TBCE: variants seen among roughly 807,000 people sequenced by gnomAD.
TBCE encodes the protein tubulin-specific chaperone E.
A neutral mutation model predicts 77.0 loss-of-function variants in TBCE; 53 were observed. That is an observed-to-expected ratio of 0.69 (90% confidence interval 0.55 to 0.87). The LOEUF (loss-of-function observed/expected upper bound fraction) is 0.87, where lower values mean the gene tolerates loss of function less well. Among genes scored for constraint, TBCE ranks in the 40% least tolerant of loss-of-function variants. The probability of loss-of-function intolerance (pLI) is 0.00; values close to 1 mark genes in which losing one functional copy is unlikely to be tolerated. For missense variants in TBCE, 624 were observed against 622.4 expected, an observed-to-expected ratio of 1.00 and a Z score of -0.03; for synonymous variants, 235 against 241.3, an observed-to-expected ratio of 0.97 and a Z score of 0.24.
intron 15 of TBCE, among the ~76,000 whole-genome samples, chr1:235,445,349 C>G (rs1046524572): frequency 6.6e-6 from 1 of 152,182 alleles, no homozygotes; most frequent in East Asian, 1.9e-4. Flanking sequence ...AAAGTAATAG[C>G]CAGGCATGGT....
intron 1 of TBCE, among the ~76,000 whole-genome samples, chr1:235,375,721 G>A (rs1677250721): frequency 6.6e-6 from 1 of 152,008 alleles, no homozygotes; most frequent in Non-Finnish European, 1.5e-5. Flanking sequence ...TATTAGAAAC[G>A]TTCAGAGACT....
At chr1:235,368,552 C>CTTTTGTTTTT (rs1676704693) in intron 1 of TBCE, among the ~76,000 whole-genome samples, 1 of 49,770 alleles carries the variant, frequency 2.0e-5, no homozygotes, top group Non-Finnish European at 3.3e-5. Flanking sequence ...GGACAGCCTG[C>CTTTTGTTTTT]TTTTTTTTTT....
At chr1:235,392,131 A>G (rs927819098) in intron 2 of TBCE, among the ~76,000 whole-genome samples, 12 of 151,830 alleles carry the variant, frequency 7.9e-5, no homozygotes, top group Non-Finnish European at 1.3e-4. Context: ...AGACCAGCCT[A>G]GGTAACGTAA....
At chr1:235,391,032 G>C (rs1678355223) in intron 2 of TBCE, among the ~76,000 whole-genome samples, 1 of 152,120 alleles carries the variant, frequency 6.6e-6, no homozygotes. Flanking sequence ...CTGCAGCGGT[G>C]TTCATTGCTA....
chr1:235,428,987 T>TATATATA (rs1558383372), intron 6 of TBCE: 54 of 78,138 alleles, frequency 6.9e-4, no homozygotes, highest in African/African-American at 3.5e-3. Flanking sequence ...ATATATATAT[T>TATATATA]TTTTTTTTTT....
At chr1:235,392,419 T>C (rs1048015352) in intron 2 of TBCE, among the ~76,000 whole-genome samples, 98 of 149,616 alleles carry the variant, frequency 6.6e-4, no homozygotes, top group Non-Finnish European at 1.1e-3. Flanking sequence ...TTTTTTTTTT[T>C]TTTTTTTTTA....
In TBCE at chr1:235,452,403, C is replaced by T. The variant is rs969283225; in HGVS notation, c.*3641C>T. On this transcript the variant is annotated 3_prime_UTR_variant, in exon 17 of 17. Coordinates refer to ENST00000642610, the MANE Select transcript of TBCE (RefSeq NM_003193.5). ...AGAAAAATACTGTATGAGAAATAAC[C>T]TAGTGGATTATTGTGAATTAAAGCA... The T allele has an allele frequency of 4.6e-5, 7 of 152,110 alleles. No individual in the cohort carries two copies. Among genetic ancestry groups the T allele is most frequent in the African/African-American group, 1.7e-4 (7 of 41,424 alleles). 9.4% of individuals were successfully genotyped at this position (152,110 alleles called of 1,614,324 possible).
Position 235,369,196 on chromosome 1 carries a change from A to G in TBCE, c.-32+1692A>G, listed in dbSNP as rs373449129. 7.6e-4 allele frequency among the ~76,000 whole-genome samples: 115 copies of G among 152,262 alleles called. 1 individual carries two copies. The highest frequency in any genetic ancestry group is 2.6e-3 in the African/African-American group (108 of 41,554). ...TCCTCTCAAAAATCCTCCAAGGACT[A>G]CACATTTCACCTGGAGTGAAAGCCA... is the stretch of plus-strand genomic sequence containing the variant. On this transcript the variant is annotated intron_variant, in intron 1 of 16. Transcript: ENST00000642610.
At chr1:235,369,754 G>A (rs1471074565) in intron 1 of TBCE, among the ~76,000 whole-genome samples, 1 of 151,222 alleles carries the variant, frequency 6.6e-6, no homozygotes, top group African/African-American at 2.4e-5. Flanking sequence ...TTGAACCTGG[G>A]GGCAGGCGCG....
intron 7 of TBCE, 70 bp from the exon 8 acceptor site, chr1:235,434,134 G>T: frequency 7.3e-7 from 1 of 1,369,536 alleles, no homozygotes; most frequent in Non-Finnish European, 1.0e-6. Context: ...TCTTGTGGTG[G>T]TTCCTATGAA....
At chr1:235,370,104 A>T (rs1253098294) in intron 1 of TBCE, among the ~76,000 whole-genome samples, 1 of 152,086 alleles carries the variant, frequency 6.6e-6, no homozygotes, top group Non-Finnish European at 1.5e-5. Flanking sequence ...GCCATCTTTA[A>T]CATTTCCATT....
intron 4 of TBCE, 173 bp downstream of exon 4, chr1:235,414,791 A>G (rs1013922182): frequency 4.5e-6 from 3 of 673,446 alleles, no homozygotes; most frequent in Non-Finnish European, 7.7e-6. Context: ...GGAAATTAAA[A>G]TTCTTATGTT....
intron 2 of TBCE, 86 bp downstream of exon 2, chr1:235,380,235 T>C (rs1487754189): frequency 1.4e-6 from 2 of 1,384,700 alleles, no homozygotes; most frequent in Non-Finnish European, 2.0e-6. Context: ...TGTTTCTGTG[T>C]AAGCTTCTCA....
chr1:235,436,286 A>G (rs1681443822), intron 9 of TBCE, 100 bp from the exon 10 acceptor site: 1 of 1,102,722 alleles, frequency 9.1e-7, no homozygotes, highest in African/African-American at 1.5e-5. Context: ...GGGATTAAAA[A>G]CCCAGGGTGT....
chr1:235,427,322 G>T, intron 6 of TBCE, 83 bp downstream of exon 6: 1 of 1,097,828 alleles, frequency 9.1e-7, no homozygotes, highest in Non-Finnish European at 1.4e-6. Context: ...GTGGAAAGAG[G>T]TAGGGAGCCG....
At chr1:235,421,545 TAA>T (rs369666802) in intron 5 of TBCE, among the ~76,000 whole-genome samples, 20 of 151,962 alleles carry the variant, frequency 1.3e-4, no homozygotes, top group African/African-American at 4.6e-4. Context: ...CCATCTCTAC[TAA>T]AAATACAAAA....
chr1:235,417,295 G>A (rs1313937539), intron 4 of TBCE, among the ~76,000 whole-genome samples: 2 of 152,108 alleles, frequency 1.3e-5, no homozygotes, highest in Admixed American at 6.6e-5. Flanking sequence ...GACATCTGTC[G>A]GACACAGTGC....
rs563244734 is a variant in TBCE, at chr1:235,373,943, C to T, written c.-31-6076C>T. 3.2e-4 allele frequency among the ~76,000 whole-genome samples: 46 copies of T among 145,286 alleles called. 9 individuals carry two copies. The highest frequency in any genetic ancestry group is 1.2e-3 in the African/African-American group (44 of 37,678). On this transcript the variant is annotated intron_variant, in intron 1 of 16. Coordinates refer to ENST00000642610, the MANE Select transcript of TBCE (RefSeq NM_003193.5). ...GGATTACAGACGTGAGCCACCGCAC[C>T]CAGACTTGTATTTTTATTTTTTAAA...
rs1682881976 is a variant in TBCE, at chr1:235,451,309, A to G, written c.*2547A>G. On this transcript the variant is annotated 3_prime_UTR_variant, in exon 17 of 17. Coordinates refer to ENST00000642610, the MANE Select transcript of TBCE (RefSeq NM_003193.5). Reference sequence around the variant, plus strand: ...GCACTTAGGTAGGTCTGGGGCTGGTAGTCAGTCTGTGTAAGCCCAACAGTT... The same window carrying G: ...GCACTTAGGTAGGTCTGGGGCTGGTGGTCAGTCTGTGTAAGCCCAACAGTT... 1 of 152,142 alleles carries G rather than the reference A, an allele frequency of 6.6e-6. No individual in the cohort carries two copies. The highest frequency in any genetic ancestry group is 1.5e-5 in the Non-Finnish European group (1 of 68,030). 9.4% of individuals were successfully genotyped at this position (152,142 alleles called of 1,614,324 possible). A position where few individuals can be genotyped will look rare whatever the true frequency, so the allele number is the denominator to read the frequency against.
Sources: gnomAD v4.1 joint callset for allele counts (sites outside exome capture counted in the v4.1 genomes callset) on GRCh38, gnomAD v4.1.1 for gene constraint, MANE v1.5 for transcripts, NCBI Gene and HGNC (gene_info 2026-07-23, HGNC 2026-07-21) for gene names.